Variants in MEGF9 observed in about 807,000 individuals in gnomAD.
The protein encoded by MEGF9 is multiple epidermal growth factor-like domains protein 9.
A neutral mutation model predicts 46.8 loss-of-function variants in MEGF9; 6 were observed. The observed-to-expected ratio is 0.13, with a 90% confidence interval of 0.07 to 0.25. The LOEUF is 0.25. MEGF9 is among the 10% of genes least tolerant of loss of function. The probability of loss-of-function intolerance (pLI) is 1.00; values close to 1 mark genes in which losing one functional copy is unlikely to be tolerated. For missense variants in MEGF9, 683 were observed against 792.4 expected (o/e 0.86, Z 1.66); for synonymous variants, 302 against 330.7 (o/e 0.91, Z 0.94).
chr9:120,671,210 C>T (rs2043747426), intron 1 of MEGF9, among the ~76,000 whole-genome samples: 1 of 152,186 alleles, frequency 6.6e-6, no homozygotes, highest in Non-Finnish European at 1.5e-5. Context: ...ATCAAGTCCT[C>T]TCCTTATGCT....
intron 1 of MEGF9, among the ~76,000 whole-genome samples, chr9:120,681,599 T>C (rs2043799027): frequency 1.3e-5 from 2 of 152,130 alleles, no homozygotes; most frequent in African/African-American, 4.8e-5. Context: ...CATTTGACTC[T>C]ATCAGGCCAC....
chr9:120,654,156 G>A (rs1412640469), intron 2 of MEGF9, among the ~76,000 whole-genome samples: 4 of 152,132 alleles, frequency 2.6e-5, no homozygotes, highest in African/African-American at 9.7e-5. Context: ...ATGAGCTGCA[G>A]GGGAAGGAAG....
At chr9:120,620,722 T>C (rs1313217449) in intron 3 of MEGF9, among the ~76,000 whole-genome samples, 1 of 152,018 alleles carries the variant, frequency 6.6e-6, no homozygotes, top group African/African-American at 2.4e-5. Context: ...AAAGATCATA[T>C]ATGAGAACCC....
intron 1 of MEGF9, among the ~76,000 whole-genome samples, chr9:120,690,974 T>C (rs978838417): frequency 2.6e-5 from 4 of 152,294 alleles, no homozygotes; most frequent in African/African-American, 7.2e-5. Context: ...ATGGTTCCAA[T>C]GACACATTTT....
chr9:120,637,789 T>C (rs1587980589), intron 2 of MEGF9, among the ~76,000 whole-genome samples: 1 of 7,186 alleles, frequency 1.4e-4, no homozygotes, highest in Non-Finnish European at 3.0e-4. Flanking sequence ...AGACTCTGTC[T>C]CAAAAAAAAA....
intron 2 of MEGF9, among the ~76,000 whole-genome samples, chr9:120,638,623 A>C (rs936150637): frequency 2.0e-5 from 3 of 152,196 alleles, no homozygotes; most frequent in Non-Finnish European, 4.4e-5. Flanking sequence ...CAGCAACGGA[A>C]TAATGGTCTC....
chr9:120,673,108 G>C (rs558214029), intron 1 of MEGF9, among the ~76,000 whole-genome samples: 7 of 152,198 alleles, frequency 4.6e-5, no homozygotes, highest in African/African-American at 1.7e-4. Flanking sequence ...TGAACAGATG[G>C]AATTTTTAAA....
At chr9:120,612,609 G>T in intron 3 of MEGF9, 70 bp from the exon 4 acceptor site, 1 of 1,378,052 alleles carries the variant, frequency 7.3e-7, no homozygotes, top group Non-Finnish European at 9.9e-7. Flanking sequence ...CAAAAATCAT[G>T]CCTGCAACAA....
At chr9:120,661,107 A>C (rs968952760) in intron 1 of MEGF9, among the ~76,000 whole-genome samples, 3 of 152,222 alleles carry the variant, frequency 2.0e-5, no homozygotes, top group African/African-American at 7.2e-5. Context: ...AGATTCCTCA[A>C]AGAAATTCCC....
At chr9:120,668,131 T>C (rs1587989871) in intron 1 of MEGF9, among the ~76,000 whole-genome samples, 1 of 152,370 alleles carries the variant, frequency 6.6e-6, no homozygotes. Flanking sequence ...TATTGGACCA[T>C]ATTTTATGTT....
intron 3 of MEGF9, 88 bp from the exon 4 acceptor site, chr9:120,612,627 A>G: frequency 8.0e-7 from 1 of 1,245,256 alleles, no homozygotes; most frequent in Non-Finnish European, 1.1e-6. Flanking sequence ...CAAAAAGATC[A>G]TAAGAAAAAG....
At chr9:120,649,562 G>C (rs1028150244) in intron 2 of MEGF9, among the ~76,000 whole-genome samples, 3 of 152,156 alleles carry the variant, frequency 2.0e-5, no homozygotes, top group African/African-American at 7.2e-5. Flanking sequence ...GAGCTGCTGG[G>C]ACAGGCTCCA....
intron 1 of MEGF9, among the ~76,000 whole-genome samples, chr9:120,702,610 A>G (rs2043910516): frequency 6.6e-6 from 1 of 152,252 alleles, no homozygotes; most frequent in Non-Finnish European, 1.5e-5. Flanking sequence ...AAGTTCATAA[A>G]TTACCAAATT....
intron 1 of MEGF9, among the ~76,000 whole-genome samples, chr9:120,698,322 G>A (rs1314166721): frequency 6.6e-6 from 1 of 152,134 alleles, no homozygotes; most frequent in East Asian, 1.9e-4. Flanking sequence ...TGGCTGTTTT[G>A]GGGATTTCCA....
At chr9:120,635,558 A>G (rs1448504835) in intron 2 of MEGF9, among the ~76,000 whole-genome samples, 1 of 151,332 alleles carries the variant, frequency 6.6e-6, no homozygotes, top group Non-Finnish European at 1.5e-5. Flanking sequence ...CGAATGACCT[A>G]TCTTCAAGTT....
At chr9:120,687,666 AAC>A (rs2043828906) in intron 1 of MEGF9, among the ~76,000 whole-genome samples, 2 of 90,840 alleles carry the variant, frequency 2.2e-5, no homozygotes, top group South Asian at 9.7e-4. Context: ...ACATGAACAC[AAC>A]ACTGTGTGTG....
rs747889517 is a variant in MEGF9 at position 120,622,610 on chromosome 9, A to G, written c.943+6T>C. The G allele has an allele frequency of 8.1e-6, 13 of 1,613,436 alleles. No homozygotes were observed. The African/African-American group carries it at 1.1e-4, about 13-fold the overall frequency. On this transcript the variant is annotated splice_donor_region_variant and intron_variant, in intron 3 of 5. Transcript: ENST00000373930. ...ATTACATGACAAAGTTAAGGAAAGT[A>G]CGTACCTGTGAGGGCATCGCAACTG...
At position 120,604,535 on chromosome 9, in the gene MEGF9, G is replaced by C. The variant is rs2043411579; in HGVS notation, c.*655C>G. 2 of 152,880 alleles carry C rather than the reference G, an allele frequency of 1.3e-5. No individual in the cohort carries two copies. Among genetic ancestry groups the C allele is most frequent in the African/African-American group, 4.8e-5 (2 of 41,394 alleles). The allele number at this position is 152,880 out of a possible 1,614,324, so 9.5% of individuals were successfully genotyped here. ...TTTATCATTTACACTGAGACCCTGA[G>C]GAGGACCATCAGCCTCCTGCTCCCC... On this transcript the variant is annotated 3_prime_UTR_variant, in exon 6 of 6. Transcript: ENST00000373930.
At chr9:120,685,451 T>C (rs1447905001) in intron 1 of MEGF9, among the ~76,000 whole-genome samples, 3 of 152,182 alleles carry the variant, frequency 2.0e-5, no homozygotes, top group East Asian at 1.9e-4. Context: ...CCTGAAGTAA[T>C]AGTCTTGGAG....
Sources: gnomAD v4.1 joint callset for allele counts (sites outside exome capture counted in the v4.1 genomes callset) on GRCh38, gnomAD v4.1.1 for gene constraint, MANE v1.5 for transcripts, NCBI Gene and HGNC (gene_info 2026-07-23, HGNC 2026-07-21) for gene names.